PCCA: variants seen among roughly 807,000 people sequenced by gnomAD.
PCCA encodes propionyl-CoA carboxylase alpha chain, mitochondrial.
PCCA carries 74 observed loss-of-function variants against 101.3 expected under a neutral mutation model. That is an observed-to-expected ratio of 0.73 (90% CI 0.61 to 0.89). The LOEUF is 0.89. PCCA is among the 40% of genes least tolerant of loss of function. PCCA has a pLI of 0.00. For missense variants in PCCA, 891 were observed against 907.0 expected (o/e 0.98, Z 0.23); for synonymous variants, 294 against 313.6 (o/e 0.94, Z 0.66).
chr13:100,530,040 C>G, intron 23 of PCCA, 58 bp from the exon 24 acceptor site: 1 of 1,353,464 alleles, frequency 7.4e-7, no homozygotes. Context: ...CCTGCCGCCT[C>G]TTGGTTCTGG....
At chr13:100,324,910 C>T (rs2068481468) in intron 16 of PCCA, among the ~76,000 whole-genome samples, 1 of 152,114 alleles carries the variant, frequency 6.6e-6, no homozygotes, top group Admixed American at 6.6e-5. Context: ...TAGTGCAAAC[C>T]ATAAACTTTG....
intron 4 of PCCA, among the ~76,000 whole-genome samples, chr13:100,135,818 G>A (rs894992456): frequency 4.6e-5 from 7 of 152,072 alleles, no homozygotes; most frequent in African/African-American, 1.7e-4. Flanking sequence ...TTTTTATCAG[G>A]TTGAGGAAGA....
At chr13:100,254,824 G>A (rs9585392) in intron 8 of PCCA, among the ~76,000 whole-genome samples, 30,470 of 151,966 alleles carry the variant, frequency 0.2, 3,421 homozygotes, top group Non-Finnish European at 0.26. Flanking sequence ...GCTTATGCCT[G>A]TAATCCCAGC....
At chr13:100,504,362 T>G (rs929417242) in intron 21 of PCCA, among the ~76,000 whole-genome samples, 2 of 152,204 alleles carry the variant, frequency 1.3e-5, no homozygotes, top group Non-Finnish European at 2.9e-5. Flanking sequence ...ATTTTTAGGC[T>G]AAGAATATGA....
chr13:100,339,755 G>T (rs1241465584), intron 17 of PCCA, among the ~76,000 whole-genome samples: 2 of 152,178 alleles, frequency 1.3e-5, no homozygotes. Context: ...TTTCTCCAGG[G>T]ACAGGGGCTT....
At chr13:100,449,686 C>T (rs1206113930) in intron 21 of PCCA, among the ~76,000 whole-genome samples, 1 of 152,156 alleles carries the variant, frequency 6.6e-6, no homozygotes, top group Non-Finnish European at 1.5e-5. Context: ...GATGAGGTTT[C>T]ACCATGTTGG....
At chr13:100,304,822 T>C (rs1005914852) in intron 14 of PCCA, among the ~76,000 whole-genome samples, 1 of 152,246 alleles carries the variant, frequency 6.6e-6, no homozygotes, top group Non-Finnish European at 1.5e-5. Context: ...CAAGAATGCA[T>C]ACTTAAGAGT....
chr13:100,187,585 AGT>A (rs2057389906), intron 6 of PCCA, among the ~76,000 whole-genome samples: 2 of 152,318 alleles, frequency 1.3e-5, no homozygotes, highest in South Asian at 4.1e-4. Context: ...AGAGTCAAAC[AGT>A]GTTTTTATAG....
At chr13:100,333,853 A>C (rs2070016645) in intron 17 of PCCA, among the ~76,000 whole-genome samples, 1 of 152,230 alleles carries the variant, frequency 6.6e-6, no homozygotes, top group African/African-American at 2.4e-5. Flanking sequence ...TTAGTCAAGT[A>C]TATCTACACT....
intron 19 of PCCA, among the ~76,000 whole-genome samples, chr13:100,410,328 C>T (rs1595794806): frequency 6.6e-6 from 1 of 152,264 alleles, no homozygotes; most frequent in African/African-American, 2.4e-5. Flanking sequence ...CTGCAACCTC[C>T]ACCTCCTGGG....
intron 20 of PCCA, among the ~76,000 whole-genome samples, chr13:100,430,185 G>T (rs2079441879): frequency 6.6e-6 from 1 of 152,102 alleles, no homozygotes; most frequent in Admixed American, 6.5e-5. Flanking sequence ...TGAGGCAGGA[G>T]AATCCCTTGA....
At chr13:100,318,078 C>T (rs970059716) in intron 16 of PCCA, among the ~76,000 whole-genome samples, 7 of 152,152 alleles carry the variant, frequency 4.6e-5, no homozygotes, top group African/African-American at 1.4e-4. Flanking sequence ...GTCCCTTTTC[C>T]GTATAGCAGC....
chr13:100,505,764 G>A (rs974656715), intron 21 of PCCA, among the ~76,000 whole-genome samples: 1 of 152,126 alleles, frequency 6.6e-6, no homozygotes, highest in Non-Finnish European at 1.5e-5. Context: ...GTACTTGGGA[G>A]TCTGACGTGG....
chr13:100,346,238 T>A (rs1222392371), intron 18 of PCCA, among the ~76,000 whole-genome samples: 1 of 152,216 alleles, frequency 6.6e-6, no homozygotes, highest in Non-Finnish European at 1.5e-5. Context: ...TTGAAAACTT[T>A]CTGGGAAGGA....
At chr13:100,376,824 C>T (rs1001809048) in intron 19 of PCCA, among the ~76,000 whole-genome samples, 48 of 152,230 alleles carry the variant, frequency 3.2e-4, no homozygotes, top group Middle Eastern at 3.4e-3. Flanking sequence ...GGTTCTGTTT[C>T]GCTGGTGTTC....
At chr13:100,272,995 T>G (rs1308278721) in intron 11 of PCCA, among the ~76,000 whole-genome samples, 2 of 152,198 alleles carry the variant, frequency 1.3e-5, no homozygotes, top group African/African-American at 4.8e-5. Flanking sequence ...AAATCTAAAG[T>G]TGACTTATTT....
At chr13:100,455,114 T>C (rs554709301) in intron 21 of PCCA, among the ~76,000 whole-genome samples, 57 of 151,928 alleles carry the variant, frequency 3.8e-4, no homozygotes, top group Non-Finnish European at 7.6e-4. Context: ...AAGTAAAATA[T>C]GTAGTATGTC....
chr13:100,396,971 G>C (rs762154338), intron 19 of PCCA, among the ~76,000 whole-genome samples: 1 of 152,066 alleles, frequency 6.6e-6, no homozygotes, highest in Non-Finnish European at 1.5e-5. Context: ...ACGATAGGGC[G>C]CGCACCTACA....
intron 12 of PCCA, among the ~76,000 whole-genome samples, chr13:100,288,571 G>GC (rs2064874691): frequency 6.6e-6 from 1 of 152,218 alleles, no homozygotes; most frequent in South Asian, 2.1e-4. Flanking sequence ...CCGTGCCAGG[G>GC]CACCCGGCGA....
Sources: allele counts gnomAD v4.1 joint callset (sites outside exome capture counted in the v4.1 genomes callset), GRCh38; gene constraint gnomAD v4.1.1; transcripts MANE v1.5; gene names NCBI Gene and HGNC (gene_info 2026-07-23, HGNC 2026-07-21).